SORL1: variants seen among roughly 807,000 people sequenced by gnomAD.
SORL1 encodes sortilin related receptor 1.
A neutral mutation model predicts 273.7 loss-of-function variants in SORL1; 127 were observed. The observed-to-expected ratio is 0.46, with a 90% CI of 0.40 to 0.54. SORL1 has a LOEUF of 0.54. Ranked by LOEUF, SORL1 falls within the 20% of genes least tolerant of loss-of-function variation. The probability of loss-of-function intolerance (pLI) is 0.00; values close to 1 mark genes in which losing one functional copy is unlikely to be tolerated. For synonymous variants in SORL1, 1,031 were observed against 1,067.4 expected, an observed-to-expected ratio of 0.97 and a Z score of 0.66; for missense variants, 2,494 against 2,846.1, an observed-to-expected ratio of 0.88 and a Z score of 2.81.
intron 27 of SORL1, among the ~76,000 whole-genome samples, chr11:121,586,680 A>C (rs1269142378): frequency 1.9e-5 from 1 of 51,844 alleles, no homozygotes; most frequent in Non-Finnish European, 3.3e-5. Flanking sequence ...GCTGAGTATC[A>C]CTGGGGGTAG....
At chr11:121,501,706 G>A (rs1306200590) in intron 6 of SORL1, among the ~76,000 whole-genome samples, 1 of 152,086 alleles carries the variant, frequency 6.6e-6, no homozygotes, top group African/African-American at 2.4e-5. Flanking sequence ...TCATTATCAT[G>A]AGAACAGCAC....
rs1314785240 is a variant in SORL1 at position 121,627,550 on chromosome 11, G to A, written c.6365-5G>A. 4.3e-6 allele frequency: 7 copies of A among 1,613,458 alleles called. No individual in the cohort carries two copies. Among genetic ancestry groups the A allele is most frequent in the Non-Finnish European group, 5.9e-6 (7 of 1,179,474 alleles). On this transcript the variant is annotated splice_polypyrimidine_tract_variant and splice_region_variant and intron_variant, in intron 46 of 47. Coordinates refer to ENST00000260197, the MANE Select transcript of SORL1 (RefSeq NM_003105.6). This position sits in a 1 kb window ranked among gnomAD's most constrained non-coding sequence, Gnocchi z 4.9. ...GGCTTATTGGTGGGAACTTTGCCTT[G>A]GCAGGTGCAGATGCATCTGCAACGC...
chr11:121,487,584 A>G (rs986046417), intron 3 of SORL1, among the ~76,000 whole-genome samples: 6 of 152,204 alleles, frequency 3.9e-5, no homozygotes, highest in Non-Finnish European at 7.3e-5. Flanking sequence ...GCCATGTCCC[A>G]TAGCTGCTTG....
chr11:121,454,480 T>C (rs957423772), intron 1 of SORL1, among the ~76,000 whole-genome samples: 15 of 152,208 alleles, frequency 9.9e-5, no homozygotes, highest in African/African-American at 3.6e-4. Context: ...TCCCAAACCC[T>C]GGGCTTTTGA....
chr11:121,510,292 A>T (rs1249291636), intron 6 of SORL1, among the ~76,000 whole-genome samples: 1 of 152,254 alleles, frequency 6.6e-6, no homozygotes. Flanking sequence ...GGTTGCTGGT[A>T]ATAGACTAGA....
At chr11:121,479,172 G>C (rs1483841493) in intron 3 of SORL1, among the ~76,000 whole-genome samples, 1 of 152,164 alleles carries the variant, frequency 6.6e-6, no homozygotes. Flanking sequence ...CTTCAGTTAG[G>C]CAATTTGATT....
At chr11:121,546,257 CT>C (rs1862425011) in intron 14 of SORL1, among the ~76,000 whole-genome samples, 1 of 152,036 alleles carries the variant, frequency 6.6e-6, no homozygotes. Context: ...GGGGATGAAC[CT>C]TATTCTATAA....
At chr11:121,628,685 G>T (rs975498215) in intron 47 of SORL1, among the ~76,000 whole-genome samples, 3 of 152,198 alleles carry the variant, frequency 2.0e-5, no homozygotes, top group African/African-American at 7.2e-5. Context: ...GAGATAGTAA[G>T]ATAGTAATAT....
intron 25 of SORL1, among the ~76,000 whole-genome samples, chr11:121,580,109 G>T (rs1862991511): frequency 6.6e-6 from 1 of 152,090 alleles, no homozygotes; most frequent in South Asian, 2.1e-4. Flanking sequence ...ACCTACCTAG[G>T]TGTGGAATTA....
chr11:121,473,874 G>A (rs1303500961), intron 2 of SORL1, among the ~76,000 whole-genome samples: 2 of 151,912 alleles, frequency 1.3e-5, no homozygotes, highest in Non-Finnish European at 2.9e-5. Context: ...CAGGCTGGGT[G>A]ACAGAGTGAG....
At chr11:121,628,313 G>A (rs1863827706) in intron 47 of SORL1, among the ~76,000 whole-genome samples, 1 of 152,202 alleles carries the variant, frequency 6.6e-6, no homozygotes. Flanking sequence ...ACCAGCGGTG[G>A]AGGGGGAAGG....
intron 8 of SORL1, 64 bp downstream of exon 8, chr11:121,514,385 G>A (rs1462092425): frequency 6.7e-7 from 1 of 1,482,432 alleles, no homozygotes; most frequent in South Asian, 1.3e-5. Context: ...CTTCTCTCTG[G>A]TTCTGTGGTT....
intron 11 of SORL1, among the ~76,000 whole-genome samples, chr11:121,529,262 G>A (rs1307834146): frequency 6.6e-6 from 1 of 152,046 alleles, no homozygotes; most frequent in African/African-American, 2.4e-5. Context: ...TGTCACCCAG[G>A]CTGGAGTGCA....
At chr11:121,529,104 C>G (rs1135405) in intron 11 of SORL1, among the ~76,000 whole-genome samples, 1 of 152,050 alleles carries the variant, frequency 6.6e-6, no homozygotes, top group African/African-American at 2.4e-5. Context: ...CATGAATTGT[C>G]CCTTTTATCA....
At chr11:121,503,476 G>A (rs1775030546) in intron 6 of SORL1, among the ~76,000 whole-genome samples, 1 of 151,920 alleles carries the variant, frequency 6.6e-6, no homozygotes, top group South Asian at 2.1e-4. Context: ...ATAAATATGA[G>A]AATTTATTTC....
chr11:121,539,904 T>C (rs1342974157), intron 12 of SORL1, among the ~76,000 whole-genome samples: 4 of 152,232 alleles, frequency 2.6e-5, no homozygotes, highest in Admixed American at 6.5e-5. Flanking sequence ...ATCAGAGCAA[T>C]GATCCTATTC....
Position 121,616,705 on chromosome 11 carries a change from TG to T in SORL1, c.5604+1651del, listed in dbSNP as rs539659929. Among the ~76,000 whole-genome samples the T allele has an allele frequency of 6.7e-4, 102 of 152,382 alleles. 1 individual carries two copies. Among genetic ancestry groups the T allele is most frequent in the Non-Finnish European group, 1.3e-3 (86 of 68,046 alleles). On this transcript the variant is annotated intron_variant, in intron 41 of 47. Coordinates refer to ENST00000260197, the MANE Select transcript of SORL1 (RefSeq NM_003105.6). ...GCTTCCCTTCCTGTTTCTCTGTCTG[TG>T]TTCTCCCATCTGTCTGTCCTTTCTC... is the stretch of plus-strand genomic sequence containing the variant.
chr11:121,462,923 T>TA (rs1158034770), intron 1 of SORL1, among the ~76,000 whole-genome samples: 2 of 152,314 alleles, frequency 1.3e-5, no homozygotes, highest in East Asian at 3.9e-4. Context: ...TAGTGCTTGA[T>TA]AAATACTTAT....
chr11:121,574,392 G>A, intron 24 of SORL1, 29 bp downstream of exon 24: 1 of 1,608,026 alleles, frequency 6.2e-7, no homozygotes, highest in Non-Finnish European at 8.5e-7. Flanking sequence ...CTGAAACCCT[G>A]CTCTGGAGAG....
Sources: gnomAD v4.1 joint callset for allele counts (sites outside exome capture counted in the v4.1 genomes callset) on GRCh38, gnomAD v4.1.1 for gene constraint, Gnocchi (gnomAD v3.1) non-coding constraint, MANE v1.5 for transcripts, NCBI Gene and HGNC (gene_info 2026-07-23, HGNC 2026-07-21) for gene names.